The following HEMK2 variants were observed in gnomAD, a reference collection of about 807,000 sequenced individuals.
HEMK2 encodes methyltransferase HEMK2.
At chr21:28,832,795 T>C in the HEMK2 span, among the ~76,000 whole-genome samples, 1 of 152,234 alleles carries the variant, frequency 6.6e-6, no homozygotes, top group Non-Finnish European at 1.5e-5. Flanking sequence ...CATTCGTGTA[T>C]TGATACGTAT....
the HEMK2 span, among the ~76,000 whole-genome samples, chr21:28,725,815 CT>C: frequency 6.6e-6 from 1 of 152,158 alleles, no homozygotes; most frequent in African/African-American, 2.4e-5. Context: ...ATTGTACCCC[CT>C]AGCACATTAT....
chr21:28,861,921 T>C, the HEMK2 span, among the ~76,000 whole-genome samples: 7 of 152,176 alleles, frequency 4.6e-5, no homozygotes, highest in Admixed American at 2.0e-4. Context: ...TGTGCTGGCC[T>C]AGAGGTCTTA....
At chr21:28,578,680 A>T in the HEMK2 span, among the ~76,000 whole-genome samples, 5 of 152,160 alleles carry the variant, frequency 3.3e-5, no homozygotes, top group Non-Finnish European at 5.9e-5. Context: ...ACTCAGGGAT[A>T]AGCAGAAACT....
the HEMK2 span, among the ~76,000 whole-genome samples, chr21:28,682,497 T>A: frequency 6.6e-6 from 1 of 151,788 alleles, no homozygotes; most frequent in Non-Finnish European, 1.5e-5. Context: ...GGTGTGGCGA[T>A]TCCTCAGGGA....
the HEMK2 span, among the ~76,000 whole-genome samples, chr21:28,838,831 C>T: frequency 1.4e-5 from 2 of 147,654 alleles, no homozygotes; most frequent in South Asian, 2.2e-4. Context: ...CCCAGCTACT[C>T]GGGAGGCTGA....
the HEMK2 span, among the ~76,000 whole-genome samples, chr21:28,631,773 G>A: frequency 6.8e-6 from 1 of 147,952 alleles, no homozygotes; most frequent in African/African-American, 2.5e-5. Context: ...TAGTTTCTTT[G>A]GAGTGAAGAC....
chr21:28,798,023 A>C, the HEMK2 span, among the ~76,000 whole-genome samples: 1 of 152,048 alleles, frequency 6.6e-6, no homozygotes, highest in African/African-American at 2.4e-5. Context: ...AACACCATGC[A>C]CCCTGCCTCC....
At chr21:28,774,349 G>C in the HEMK2 span, among the ~76,000 whole-genome samples, 2 of 152,108 alleles carry the variant, frequency 1.3e-5, no homozygotes, top group South Asian at 2.1e-4. Context: ...CAGCATTCTG[G>C]GGGCTAAGGT....
the HEMK2 span, among the ~76,000 whole-genome samples, chr21:28,739,131 G>A: frequency 1.3e-5 from 2 of 152,128 alleles, no homozygotes; most frequent in South Asian, 2.1e-4. Flanking sequence ...AGAAATTCGC[G>A]AGAGCAGCAA....
the HEMK2 span, among the ~76,000 whole-genome samples, chr21:28,782,894 T>C: frequency 2.0e-5 from 3 of 152,188 alleles, no homozygotes; most frequent in Non-Finnish European, 4.4e-5. Flanking sequence ...CTACTATTAC[T>C]TTTTTAAATG....
chr21:28,760,950 T>C, the HEMK2 span, among the ~76,000 whole-genome samples: 2 of 152,198 alleles, frequency 1.3e-5, no homozygotes, highest in Admixed American at 6.5e-5. Context: ...TTACCTTTTG[T>C]CATAGATCTA....
At chr21:28,686,309 A>G in the HEMK2 span, among the ~76,000 whole-genome samples, 1 of 152,076 alleles carries the variant, frequency 6.6e-6, no homozygotes, top group Non-Finnish European at 1.5e-5. Context: ...ATCTCAGCTC[A>G]CCACAACCTC....
At chr21:28,808,714 C>G in the HEMK2 span, among the ~76,000 whole-genome samples, 1 of 151,876 alleles carries the variant, frequency 6.6e-6, no homozygotes, top group East Asian at 1.9e-4. Flanking sequence ...TTACATTAAC[C>G]TTGTATACCG....
chr21:28,654,129 CAT>C, the HEMK2 span, among the ~76,000 whole-genome samples: 6 of 152,246 alleles, frequency 3.9e-5, no homozygotes, highest in Admixed American at 1.3e-4. Flanking sequence ...TCTGAGAAAA[CAT>C]GTGGATTTGA....
the HEMK2 span, among the ~76,000 whole-genome samples, chr21:28,715,287 C>G: frequency 6.6e-6 from 1 of 151,918 alleles, no homozygotes; most frequent in African/African-American, 2.4e-5. Context: ...GTCTCCGCAG[C>G]CTTGCAAGCA....
At chr21:28,751,828 T>C in the HEMK2 span, among the ~76,000 whole-genome samples, 2 of 152,168 alleles carry the variant, frequency 1.3e-5, no homozygotes, top group East Asian at 1.9e-4. Context: ...TACAGGCATA[T>C]GCCATTACGT....
the HEMK2 span, among the ~76,000 whole-genome samples, chr21:28,592,731 G>A: frequency 9.9e-5 from 15 of 152,134 alleles, no homozygotes; most frequent in East Asian, 5.8e-4. Flanking sequence ...ATCAAAACAC[G>A]GCATCAGAGG....
At chr21:28,803,672 C>A in the HEMK2 span, among the ~76,000 whole-genome samples, 1 of 152,210 alleles carries the variant, frequency 6.6e-6, no homozygotes, top group Middle Eastern at 3.2e-3. Flanking sequence ...TTAATAGTAG[C>A]TGCTTCCCAA....
chr21:28,605,430 C>A, the HEMK2 span, among the ~76,000 whole-genome samples: 2 of 152,208 alleles, frequency 1.3e-5, no homozygotes, highest in East Asian at 3.8e-4. Flanking sequence ...TAAATACTTT[C>A]AACTTGGCTA....
Sources: gnomAD v4.1 joint callset for allele counts (sites outside exome capture counted in the v4.1 genomes callset) on GRCh38, gnomAD v4.1.1 for gene constraint, MANE v1.5 for transcripts, NCBI Gene and HGNC (gene_info 2026-07-23, HGNC 2026-07-21) for gene names.